ANXA7: variants seen among roughly 807,000 people sequenced by gnomAD.
ANXA7 encodes annexin A7.
Under a neutral mutation model 64.9 loss-of-function variants are expected in ANXA7, and 55 were observed. The ratio of observed to expected loss-of-function variants is 0.85; its 90% CI spans 0.68 to 1.06. ANXA7 has a LOEUF of 1.06. Among genes scored for constraint, ANXA7 ranks in the 50% least tolerant of loss-of-function variants. ANXA7 has a pLI of 0.00. For synonymous variants in ANXA7, 200 were observed against 192.4 expected, an observed-to-expected ratio of 1.04 and a Z score of -0.33; for missense variants, 548 against 582.1, an observed-to-expected ratio of 0.94 and a Z score of 0.60.
intron 9 of ANXA7, among the ~76,000 whole-genome samples, chr10:73,382,341 TTTTTC>T (rs1459527456): frequency 2.0e-5 from 3 of 152,070 alleles, no homozygotes; most frequent in Non-Finnish European, 4.4e-5. Flanking sequence ...TTCTTTTCTT[TTTTTC>T]TTTTCTTTTT....
chr10:73,390,607 A>G (rs1304540837), intron 5 of ANXA7, among the ~76,000 whole-genome samples: 2 of 150,656 alleles, frequency 1.3e-5, no homozygotes, highest in African/African-American at 4.9e-5. Flanking sequence ...GACAGAAGCC[A>G]TTGTTTCTAA....
In ANXA7 at chr10:73,377,773, G is replaced by GTGTGTGTGTGT. The variant is rs2055200570; in HGVS notation, c.1278+1137_1278+1138insACACACACACA. Among the ~76,000 whole-genome samples the GTGTGTGTGTGT allele has an allele frequency of 3.2e-3, 404 of 124,832 alleles. 9 individuals are homozygous for GTGTGTGTGTGT. Among genetic ancestry groups the GTGTGTGTGTGT allele is most frequent in the African/African-American group, 0.012 (384 of 31,104 alleles). The allele number at this position is 124,832 out of a possible 152,430, so 81.9% of individuals were successfully genotyped here. On this transcript the variant is annotated intron_variant, in intron 12 of 12. Coordinates refer to ENST00000372921, the MANE Select transcript of ANXA7 (RefSeq NM_001156.5). The stretch of plus-strand genomic sequence containing the variant: ...ACTACCATGCCGGGGGGTGGGTGTG[G>GTGTGTGTGTGT]GTGTGTGTGTGTGTGTGTGTGTGTG...
rs769570453 is a variant in ANXA7, at chr10:73,398,205, C to G, written c.235G>C (p.Gly79Arg). ...PGGYPGAPQP[G>R]GAPSYPGVPP... is the part of the protein sequence containing the mutation. ...CCTCCGGGATAGGATGGAGCTCCCC[C>G]TGGCTGTGGGGCACCAGGATAGCCT... Residue 79 changes from glycine (G) to arginine (R), a missense_variant, in exon 3 of 13, where the codon GGG (glycine) becomes CGG (arginine). Transcript: ENST00000372921. 11 of 1,613,278 alleles carry G rather than the reference C, an allele frequency of 6.8e-6. No homozygotes were observed. Among genetic ancestry groups the G allele is most frequent in the Non-Finnish European group, 9.3e-6 (11 of 1,179,518 alleles).
At chr10:73,377,773 G>GTGTGTGTGTGTGTGTGTGTGT (rs2055200570) in intron 12 of ANXA7, among the ~76,000 whole-genome samples, 1 of 124,822 alleles carries the variant, frequency 8.0e-6, no homozygotes, top group African/African-American at 3.2e-5. Flanking sequence ...GGTGGGTGTG[G>GTGTGTGTGTGTGTGTGTGTGT]GTGTGTGTGT....
chr10:73,395,514 T>G (rs2055554844), intron 5 of ANXA7, among the ~76,000 whole-genome samples: 1 of 152,210 alleles, frequency 6.6e-6, no homozygotes. Context: ...CCGTGCGTGG[T>G]GGCTCATGCC....
Position 73,376,154 on chromosome 10 carries a change from T to A in ANXA7, c.1342A>T (p.Ile448Phe). ...TAATCTCCACTCGTGTCACCTGCAA[T>A]CATTGTGCCCAGAGTCTTCTGATAC... ...QMYQKTLGTM[I>F]AGDTSGDYRR... is the part of the protein sequence containing the mutation. The change falls in exon 13 of 13, where the codon ATT (isoleucine) becomes TTT (phenylalanine). Residue 448 changes from isoleucine to phenylalanine, a missense_variant. Coordinates refer to ENST00000372921, the MANE Select transcript of ANXA7 (RefSeq NM_001156.5). The A allele has an allele frequency of 6.2e-7, 1 of 1,609,872 alleles. No homozygotes were observed. The highest frequency in any genetic ancestry group is 8.5e-7 in the Non-Finnish European group (1 of 1,178,100).
At chr10:73,412,724 C>A (rs896227475) in intron 1 of ANXA7, among the ~76,000 whole-genome samples, 2 of 151,450 alleles carry the variant, frequency 1.3e-5, no homozygotes, top group African/African-American at 4.9e-5. Flanking sequence ...CAAACTCCTC[C>A]TGACCTCGTG....
intron 9 of ANXA7, among the ~76,000 whole-genome samples, chr10:73,380,938 G>A (rs986256772): frequency 1.3e-5 from 2 of 152,196 alleles, no homozygotes; most frequent in Non-Finnish European, 2.9e-5. Flanking sequence ...TAGGGACACA[G>A]GAGAGACAGG....
intron 3 of ANXA7, 23 bp from the exon 4 acceptor site, chr10:73,397,297 A>C: frequency 1.3e-6 from 2 of 1,487,838 alleles, no homozygotes; most frequent in Non-Finnish European, 9.3e-7. Context: ...ACATGTCAAT[A>C]AACTATAGTA....
At chr10:73,413,797 T>C (rs1338190380) in intron 1 of ANXA7, among the ~76,000 whole-genome samples, 1 of 152,016 alleles carries the variant, frequency 6.6e-6, no homozygotes, top group Non-Finnish European at 1.5e-5. Context: ...GGGCTTCCCG[T>C]AAGCCAGGCC....
intron 5 of ANXA7, among the ~76,000 whole-genome samples, chr10:73,390,786 A>T (rs111290345): frequency 0.1 from 15,687 of 149,790 alleles, 1,196 homozygotes; most frequent in East Asian, 0.3. Flanking sequence ...GTAGGGAAAA[A>T]TTTTTTTGAT....
chr10:73,403,917 T>C (rs1405586456), intron 1 of ANXA7, among the ~76,000 whole-genome samples: 2 of 152,250 alleles, frequency 1.3e-5, no homozygotes, highest in Non-Finnish European at 2.9e-5. Flanking sequence ...TACTTAAGGA[T>C]GTTGTTGTAA....
chr10:73,403,098 T>C (rs1037607008), intron 1 of ANXA7, among the ~76,000 whole-genome samples: 1 of 152,332 alleles, frequency 6.6e-6, no homozygotes, highest in South Asian at 2.1e-4. Context: ...GCTGGGATTA[T>C]AGGCGTGAGC....
chr10:73,397,474 T>C (rs988839980), intron 3 of ANXA7, among the ~76,000 whole-genome samples, 200 bp from the exon 4 acceptor site: 1 of 152,230 alleles, frequency 6.6e-6, no homozygotes. Flanking sequence ...TTTATTTATT[T>C]TTTGAGACAG....
intron 12 of ANXA7, among the ~76,000 whole-genome samples, chr10:73,377,076 G>A (rs1589643357): frequency 6.6e-6 from 1 of 152,294 alleles, no homozygotes; most frequent in South Asian, 2.1e-4. Flanking sequence ...AAAAACATCT[G>A]AAGGTGAATG....
chr10:73,403,747 C>T (rs1326448385), intron 1 of ANXA7, among the ~76,000 whole-genome samples: 1 of 152,168 alleles, frequency 6.6e-6, no homozygotes, highest in South Asian at 2.1e-4. Context: ...AGGGGCTGTA[C>T]CAATTTGCAT....
At chr10:73,405,266 C>T (rs2055737131) in intron 1 of ANXA7, among the ~76,000 whole-genome samples, 1 of 143,508 alleles carries the variant, frequency 7.0e-6, no homozygotes, top group Non-Finnish European at 1.5e-5. Context: ...AGGCTGGGTG[C>T]AGTGGCCCAG....
At chr10:73,394,205 C>G (rs947002973) in intron 5 of ANXA7, among the ~76,000 whole-genome samples, 4 of 152,202 alleles carry the variant, frequency 2.6e-5, no homozygotes, top group African/African-American at 4.8e-5. Context: ...AAAAAGTCAG[C>G]AAACAACACG....
At chr10:73,410,781 CAAAA>C (rs536548150) in intron 1 of ANXA7, among the ~76,000 whole-genome samples, 14 of 59,442 alleles carry the variant, frequency 2.4e-4, no homozygotes, top group African/African-American at 6.0e-4. Flanking sequence ...GACTCCATCT[CAAAA>C]AAAAAAAAAA....
Sources: gnomAD v4.1 joint callset for allele counts (sites outside exome capture counted in the v4.1 genomes callset) on GRCh38, gnomAD v4.1.1 for gene constraint, MANE v1.5 for transcripts, NCBI Gene and HGNC (gene_info 2026-07-23, HGNC 2026-07-21) for gene names.